MYH9: variants seen among roughly 807,000 people sequenced by gnomAD.
MYH9 encodes myosin-9.
In MYH9, 29 loss-of-function variants were observed where a neutral mutation model predicts 241.9. That is an observed-to-expected ratio of 0.12 (90% CI 0.09 to 0.16). MYH9 has a LOEUF of 0.16. Ranked by LOEUF, MYH9 falls within the 10% of genes least tolerant of loss-of-function variation. The pLI, the probability that MYH9 is intolerant of heterozygous loss-of-function variation, is 1.00. For missense variants in MYH9, 1,803 were observed against 2,595.5 expected, an observed-to-expected ratio of 0.69 and a Z score of 6.63; for synonymous variants, 1,047 against 1,062.6, an observed-to-expected ratio of 0.99 and a Z score of 0.29.
chr22:36,346,061 C>T (rs562978447), intron 2 of MYH9, among the ~76,000 whole-genome samples: 6 of 151,596 alleles, frequency 4.0e-5, no homozygotes, highest in East Asian at 1.9e-4. Flanking sequence ...GCAGGAGAAT[C>T]GCTTGAACCC....
In MYH9 at chr22:36,362,632, A is replaced by G. The variant is rs11913741; in HGVS notation, c.-19-13377T>C. Among the ~76,000 whole-genome samples, 1,355 of 152,250 alleles carry G rather than the reference A, an allele frequency of 8.9e-3. 26 individuals carry two copies. The highest frequency in any genetic ancestry group is 0.031 in the African/African-American group (1,306 of 41,528). On this transcript the variant is annotated intron_variant, in intron 1 of 40. Coordinates refer to ENST00000216181, the MANE Select transcript of MYH9 (RefSeq NM_002473.6). The stretch of plus-strand genomic sequence containing the variant: ...GCTGGGACTACAGGTGCATGCCAGC[A>G]CGCTCGGCTAATTTTTGTATTTTAG...
chr22:36,380,166 T>C (rs539710801), intron 1 of MYH9, among the ~76,000 whole-genome samples: 1 of 152,284 alleles, frequency 6.6e-6, no homozygotes, highest in African/African-American at 2.4e-5. Flanking sequence ...AGGACCCTGA[T>C]GGGGTCTTCC....
Position 36,338,316 on chromosome 22 carries a change from A to C in MYH9, c.490+3054T>G, listed in dbSNP as rs113161896. On this transcript the variant is annotated intron_variant, in intron 3 of 40. Transcript: ENST00000216181. ...CACCCAGCCGAAGAAGAAGGAAAAT[A>C]GCCTAGAGACGTCCTTCGTCAGTCA... 5.6e-3 allele frequency among the ~76,000 whole-genome samples: 846 copies of C among 152,192 alleles called. 12 individuals carry two copies. Among genetic ancestry groups the C allele is most frequent in the African/African-American group, 0.019 (787 of 41,526 alleles).
rs768683494 is a variant in MYH9 at position 36,285,246 on chromosome 22, C to G, written c.5358G>C (p.Gln1786His). 1.2e-6 allele frequency: 2 copies of G among 1,614,210 alleles called. No homozygotes were observed. The highest frequency in any genetic ancestry group is 1.7e-6 in the Non-Finnish European group (2 of 1,180,042). Residue 1786 changes from glutamine (Q) to histidine (H), a missense_variant, in exon 38 of 41, where the codon CAG (glutamine) becomes CAC (histidine). Coordinates refer to ENST00000216181, the MANE Select transcript of MYH9 (RefSeq NM_002473.6). This position sits in a 1 kb window ranked among gnomAD's most constrained non-coding sequence, Gnocchi z 7.0. ...NENARQQLER[Q>H]NKELKVKLQE... is the part of the protein sequence containing the mutation. ...GCAGCTTGACCTTAAGCTCCTTGTT[C>G]TGGCGTTCCAGCTGCTGCCGAGCAT...
At position 36,285,220 on chromosome 22, in the gene MYH9, T is replaced by C. The variant is rs745879035; in HGVS notation, c.5384A>G (p.Gln1795Arg). The change falls in exon 38 of 41, where the codon CAG (glutamine) becomes CGG (arginine). Residue 1795 changes from glutamine (Q) to arginine (R), a missense_variant. By Grantham distance (43) the Gln-to-Arg change is conservative. Around this residue, in one of 11 missense-constraint regions of MYH9, gnomAD observed 876 missense variants for 1,077.8 expected, o/e 0.81. Coordinates refer to ENST00000216181, the MANE Select transcript of MYH9 (RefSeq NM_002473.6). This position sits in a 1 kb window ranked among gnomAD's most constrained non-coding sequence, Gnocchi z 7.0. ...GGACTTGACAGTGCCCTCCATCTCCTGCAGCTTGACCTTAAGCTCCTTGTT... is the reference window on the plus strand; with the variant it reads ...GGACTTGACAGTGCCCTCCATCTCCCGCAGCTTGACCTTAAGCTCCTTGTT... ...RQNKELKVKLQEMEGTVKSKY... is the reference protein window; with the variant it reads ...RQNKELKVKLREMEGTVKSKY... 4 of 1,614,118 alleles carry C rather than the reference T, an allele frequency of 2.5e-6. No individual in the cohort carries two copies. The highest frequency in any genetic ancestry group is 3.4e-6 in the Non-Finnish European group (4 of 1,180,050).
At chr22:36,350,532 C>T (rs754716093) in intron 1 of MYH9, among the ~76,000 whole-genome samples, 25 of 152,096 alleles carry the variant, frequency 1.6e-4, no homozygotes, top group African/African-American at 5.3e-4. Context: ...AGCAAAACTC[C>T]GTCTCAAAAA....
rs1184039444 is a variant in MYH9 at position 36,288,431 on chromosome 22, A to G, written c.4771-18T>C. 1.9e-6 allele frequency: 3 copies of G among 1,605,982 alleles called. No homozygotes were observed. In the African/African-American group the frequency reaches 4.0e-5, roughly 21 times the overall value. ...TCCCGCACCTGGGGGAAGGAACATC[A>G]ACAACTTGGGAAGCTGGACCCACTG... On this transcript the variant is annotated intron_variant, in intron 33 of 40. Transcript: ENST00000216181. This position sits in a 1 kb window ranked among gnomAD's most constrained non-coding sequence, Gnocchi z 4.8.
At chr22:36,353,102 C>CGAGT (rs891280213) in intron 1 of MYH9, among the ~76,000 whole-genome samples, 30 of 142,976 alleles carry the variant, frequency 2.1e-4, no homozygotes, top group African/African-American at 6.9e-4. Flanking sequence ...CCTCTGGGGG[C>CGAGT]GTGTGTGTGT....
rs550382440 is a variant in MYH9, at chr22:36,330,888, G to A, written c.491-3400C>T. ...AGATGAAAGTCTAGCCGTGGTAGGC[G>A]CCTGAACCCACTGCCCCAGCCCCTC... On this transcript the variant is annotated intron_variant, in intron 3 of 40. Coordinates refer to ENST00000216181, the MANE Select transcript of MYH9 (RefSeq NM_002473.6). The surrounding 1 kb of genome is among the most constrained non-coding windows in gnomAD (Gnocchi z 4.5). Among the ~76,000 whole-genome samples, 31 of 152,194 alleles carry A rather than the reference G, an allele frequency of 2.0e-4. No homozygotes were observed. Among genetic ancestry groups the A allele is most frequent in the Non-Finnish European group, 3.2e-4 (22 of 68,006 alleles).
intron 14 of MYH9, 80 bp downstream of exon 14, chr22:36,311,969 C>T: frequency 6.4e-7 from 1 of 1,571,332 alleles, no homozygotes; most frequent in Non-Finnish European, 8.7e-7. Flanking sequence ...CAGCAGCTGC[C>T]CGGCTCCTGG....
intron 2 of MYH9, among the ~76,000 whole-genome samples, chr22:36,348,517 AAAAAAATT>A (rs200681194): frequency 0.028 from 4,221 of 151,110 alleles, 187 homozygotes; most frequent in African/African-American, 0.097. Context: ...TCAAAAAAAA[AAAAAAATT>A]AAATTAAATT....
At position 36,302,580 on chromosome 22, in the gene MYH9, C is replaced by T. The variant is rs929439510; in HGVS notation, c.2487G>A (p.Arg829=). ...TTCTAGCACGCACCTTGGTGAAGAG[C>T]CGCCACCACTGCCAGTTCCGCAGCT... ...YLKLRNWQWW[R]LFTKVKPLLQ... Residue 829 remains arginine, a synonymous_variant, in exon 20 of 41, where the codon CGG becomes CGA. Transcript: ENST00000216181. 6.8e-6 allele frequency: 11 copies of T among 1,612,904 alleles called. No individual in the cohort carries two copies. In the African/African-American group the frequency reaches 9.3e-5, roughly 14 times the overall value.
At chr22:36,325,856 C>A (rs2017328111) in intron 5 of MYH9, among the ~76,000 whole-genome samples, 1 of 152,206 alleles carries the variant, frequency 6.6e-6, no homozygotes, top group South Asian at 2.1e-4. Flanking sequence ...ACACCCAGCC[C>A]CTCCTCCCAA....
rs759635562 is a variant in MYH9 at position 36,293,499 on chromosome 22, G to A, written c.3943-18C>T. ...AGCAGCTCCTACTCGCGGGTTGAGA[G>A]GGGTGCGGGTGCTTAGGAGGGTGGT... On this transcript the variant is annotated intron_variant, in intron 29 of 40. Transcript: ENST00000216181. The surrounding 1 kb of genome is among the most constrained non-coding windows in gnomAD (Gnocchi z 5.1). The A allele has an allele frequency of 8.1e-6, 13 of 1,611,960 alleles. No individual in the cohort carries two copies. Among genetic ancestry groups the A allele is most frequent in the Non-Finnish European group, 4.2e-6 (5 of 1,180,002 alleles).
chr22:36,308,635 G>A (rs1292697009), intron 15 of MYH9, among the ~76,000 whole-genome samples: 1 of 152,092 alleles, frequency 6.6e-6, no homozygotes, highest in African/African-American at 2.4e-5. Flanking sequence ...CCGGCGATAG[G>A]CACAGTGCGG....
rs764059356 is a variant in MYH9 at position 36,335,592 on chromosome 22, A to T, written c.490+5778T>A. The stretch of plus-strand genomic sequence containing the variant: ...ACATGGCACTTTTCCTCAGAAAGAC[A>T]TTGGAAAGCAGACAGTTCCACAGGA... On this transcript the variant is annotated intron_variant, in intron 3 of 40. Coordinates refer to ENST00000216181, the MANE Select transcript of MYH9 (RefSeq NM_002473.6). Among the ~76,000 whole-genome samples the T allele has an allele frequency of 4.7e-4, 72 of 152,224 alleles. 1 individual carries two copies. Among genetic ancestry groups the T allele is most frequent in the Non-Finnish European group, 2.8e-4 (19 of 68,040 alleles).
At chr22:36,290,795 C>T (rs1272130392) in intron 31 of MYH9, among the ~76,000 whole-genome samples, 1 of 151,204 alleles carries the variant, frequency 6.6e-6, no homozygotes, top group Non-Finnish European at 1.5e-5. Flanking sequence ...GCCTCTGCCC[C>T]GCCGCCCCGT....
chr22:36,306,716 A>G lies in MYH9; in HGVS notation c.1844-109T>C. The G allele has an allele frequency of 1.8e-6, 2 of 1,116,522 alleles. No homozygotes were observed. Among genetic ancestry groups the G allele is most frequent in the Non-Finnish European group, 2.6e-6 (2 of 764,410 alleles). The allele number at this position is 1,116,522 out of a possible 1,614,324, so 69.2% of individuals were successfully genotyped here. Reference sequence around the variant, plus strand: ...CACGTCGGACAGGAAAAGAGGAGACAGAATGAAACAACAGGACCCTTTCCA... The same window carrying G: ...CACGTCGGACAGGAAAAGAGGAGACGGAATGAAACAACAGGACCCTTTCCA... On this transcript the variant is annotated intron_variant, in intron 15 of 40. Transcript: ENST00000216181. The surrounding 1 kb of genome is among the most constrained non-coding windows in gnomAD (Gnocchi z 4.1).
intron 1 of MYH9, among the ~76,000 whole-genome samples, chr22:36,350,011 C>A (rs1463179613): frequency 1.3e-5 from 2 of 152,150 alleles, no homozygotes; most frequent in Non-Finnish European, 2.9e-5. Flanking sequence ...TCAACTAAGA[C>A]AAGAGAAGAA....
Sources: gnomAD v4.1 joint callset for allele counts (sites outside exome capture counted in the v4.1 genomes callset) on GRCh38, gnomAD v4.1.1 for gene constraint, gnomAD v4.1.1 regional missense constraint, Gnocchi (gnomAD v3.1) non-coding constraint, MANE v1.5 for transcripts, NCBI Gene and HGNC (gene_info 2026-07-23, HGNC 2026-07-21) for gene names.